Variants in GID4 observed in about 807,000 individuals in gnomAD.
The protein encoded by GID4 is GID complex subunit 4 homolog.
GID4 carries 7 observed loss-of-function variants against 32.4 expected under a neutral mutation model. The observed-to-expected ratio is 0.22, with a 90% confidence interval of 0.12 to 0.41. The LOEUF is 0.41. Ranked by LOEUF, GID4 falls within the 10% of genes least tolerant of loss-of-function variation. The pLI, the probability that GID4 is intolerant of heterozygous loss-of-function variation, is 1.00. For missense variants in GID4, 309 were observed against 400.0 expected (o/e 0.77, Z 1.94); for synonymous variants, 166 against 170.0 (o/e 0.98, Z 0.18).
At chr17:18,053,565 C>T (rs1397215345) in intron 2 of GID4, among the ~76,000 whole-genome samples, 2 of 151,928 alleles carry the variant, frequency 1.3e-5, no homozygotes, top group African/African-American at 2.4e-5. Context: ...TGCAGTGAAC[C>T]GAAATTGTGC....
chr17:18,055,085 G>A (rs1192217831), intron 3 of GID4, among the ~76,000 whole-genome samples: 1 of 151,832 alleles, frequency 6.6e-6, no homozygotes, highest in African/African-American at 2.4e-5. Flanking sequence ...GCAGGAGAAT[G>A]GCGTGAACCC....
chr17:18,039,764 C>G lies in GID4; in HGVS notation c.300C>G (p.Ser100=). ...CGCCGGCCGGTGCCTCCGCTGCCTC[C>G]GCGGCCTCACTCATCCCGCCGCCGC... ...CPPPAGASAA[S]AASLIPPPPI... Residue 100 remains serine (S), a synonymous_variant, in exon 1 of 6, where the codon TCC becomes TCG. Transcript: ENST00000268719. The surrounding 1 kb of genome is among the most constrained non-coding windows in gnomAD (Gnocchi z 5.3). 1.3e-6 allele frequency: 2 copies of G among 1,568,558 alleles called. No individual in the cohort carries two copies. The highest frequency in any genetic ancestry group is 1.7e-6 in the Non-Finnish European group (2 of 1,159,870).
At chr17:18,064,754 T>C (rs571599696) in intron 5 of GID4, among the ~76,000 whole-genome samples, 1 of 152,292 alleles carries the variant, frequency 6.6e-6, no homozygotes, top group Admixed American at 6.5e-5. Context: ...ACGCTCTCTT[T>C]AGATACCATG....
chr17:18,039,972 C>T lies in GID4; in HGVS notation c.438+70C>T. 2.3e-6 allele frequency: 3 copies of T among 1,276,740 alleles called. No homozygotes were observed. Among genetic ancestry groups the T allele is most frequent in the Non-Finnish European group, 2.0e-6 (2 of 1,007,620 alleles). The allele number at this position is 1,276,740 out of a possible 1,614,324, so 79.1% of individuals were successfully genotyped here. A position where few individuals can be genotyped will look rare whatever the true frequency, so the allele number is the denominator to read the frequency against. ...CTCACGGGCCGTGCCCGCTTCGGCTCCTCGACCCCGCAGCCGCGGAACAGG... is the reference window on the plus strand; with the variant it reads ...CTCACGGGCCGTGCCCGCTTCGGCTTCTCGACCCCGCAGCCGCGGAACAGG... On this transcript the variant is annotated intron_variant, in intron 1 of 5. Coordinates refer to ENST00000268719, the MANE Select transcript of GID4 (RefSeq NM_024052.5). This position sits in a 1 kb window ranked among gnomAD's most constrained non-coding sequence, Gnocchi z 5.3.
At position 18,068,374 on chromosome 17, in the gene GID4, T is replaced by TTA. The variant is rs1555531718; in HGVS notation, c.*3131_*3132insTA. On this transcript the variant is annotated 3_prime_UTR_variant, in exon 6 of 6. Coordinates refer to ENST00000268719, the MANE Select transcript of GID4 (RefSeq NM_024052.5). ...CAGAGCTATCAATGTCCAAATAATT[T>TTA]AAAAAAAAAAATAAAGGTATTTAAG... 2.0e-4 allele frequency: 30 copies of TTA among 150,520 alleles called. No individual in the cohort carries two copies. Among genetic ancestry groups the TTA allele is most frequent in the African/African-American group, 3.7e-4 (15 of 40,902 alleles). The allele number at this position is 150,520 out of a possible 1,614,324, so 9.3% of individuals were successfully genotyped here.
chr17:18,043,313 C>T (rs1324174950), intron 1 of GID4, among the ~76,000 whole-genome samples: 5 of 152,212 alleles, frequency 3.3e-5, no homozygotes, highest in Non-Finnish European at 5.9e-5. Flanking sequence ...GATTCTTGAG[C>T]ATGTGATAAT....
intron 1 of GID4, 100 bp downstream of exon 1, chr17:18,040,002 C>T: frequency 8.0e-7 from 1 of 1,251,188 alleles, no homozygotes; most frequent in Non-Finnish European, 1.0e-6. Context: ...AACAGGCCCT[C>T]GCCGCCGGGG....
intron 1 of GID4, among the ~76,000 whole-genome samples, chr17:18,043,379 C>T (rs146311722): frequency 6.6e-6 from 1 of 152,288 alleles, no homozygotes; most frequent in African/African-American, 2.4e-5. Context: ...TAGCAAGTAT[C>T]CTTGCCACCT....
At position 18,057,324 on chromosome 17, in the gene GID4, C is replaced by T. The variant is rs975452640; in HGVS notation, c.607-1544C>T. On this transcript the variant is annotated intron_variant, in intron 3 of 5. Transcript: ENST00000268719. ...GCACACACCTGTAATCCCAGCTATT[C>T]GGGAGGCTGAGGCAGGAGAGTCACT... The T allele has an allele frequency of 2.8e-5, 8 of 285,174 alleles. No homozygotes were observed. The South Asian group carries it at 3.4e-4, about 12-fold the overall frequency. 17.7% of individuals were successfully genotyped at this position (285,174 alleles called of 1,614,324 possible). A position where few individuals can be genotyped will look rare whatever the true frequency, so the allele number is the denominator to read the frequency against.
chr17:18,056,539 T>C (rs991879292), intron 3 of GID4, among the ~76,000 whole-genome samples: 1 of 152,264 alleles, frequency 6.6e-6, no homozygotes, highest in Non-Finnish European at 1.5e-5. Flanking sequence ...TTCTTCCTTG[T>C]AGTAAACCAC....
rs1174071812 is a variant in GID4 at position 18,063,620 on chromosome 17, T to A, written c.840-1560T>A. On this transcript the variant is annotated intron_variant, in intron 5 of 5. Coordinates refer to ENST00000268719, the MANE Select transcript of GID4 (RefSeq NM_024052.5). The stretch of plus-strand genomic sequence containing the variant: ...TTCTGGGTATTTTATATAAATGGAA[T>A]CTACAAAATACGGCCCTTGCTTCTG... 2.6e-5 allele frequency among the ~76,000 whole-genome samples: 4 copies of A among 152,214 alleles called. No individual in the cohort carries two copies. The East Asian group carries it at 7.7e-4, about 29-fold the overall frequency.
At chr17:18,040,037 C>A (rs971999037) in intron 1 of GID4, 135 bp downstream of exon 1, 17 of 1,163,250 alleles carry the variant, frequency 1.5e-5, no homozygotes, top group Non-Finnish European at 1.6e-5. Flanking sequence ...CGCTTCCCAC[C>A]CGGGACCTTC....
intron 1 of GID4, among the ~76,000 whole-genome samples, chr17:18,040,180 C>A (rs553878929): frequency 6.6e-6 from 1 of 152,276 alleles, no homozygotes; most frequent in South Asian, 2.1e-4. Flanking sequence ...GTCTGGGATC[C>A]GGAAGCCCCT....
intron 2 of GID4, among the ~76,000 whole-genome samples, chr17:18,051,156 G>A (rs1285501675): frequency 6.6e-6 from 1 of 151,990 alleles, no homozygotes; most frequent in Non-Finnish European, 1.5e-5. Context: ...ATCATATTAG[G>A]ACCTCCTCCC....
At chr17:18,043,085 G>T (rs1279070424) in intron 1 of GID4, among the ~76,000 whole-genome samples, 1 of 152,148 alleles carries the variant, frequency 6.6e-6, no homozygotes, top group Non-Finnish European at 1.5e-5. Context: ...AGCCCTGGTC[G>T]CTGTGAAAGG....
At chr17:18,047,926 A>T (rs1360170663) in intron 2 of GID4, among the ~76,000 whole-genome samples, 3 of 149,910 alleles carry the variant, frequency 2.0e-5, no homozygotes, top group African/African-American at 7.4e-5. Flanking sequence ...TTTGAGATGG[A>T]GTCTCGCTCA....
At chr17:18,053,222 A>G (rs1324196406) in intron 2 of GID4, among the ~76,000 whole-genome samples, 9 of 149,738 alleles carry the variant, frequency 6.0e-5, no homozygotes, top group Non-Finnish European at 8.9e-5. Context: ...CATGTTGGTC[A>G]GGTTGGTCTT....
intron 2 of GID4, among the ~76,000 whole-genome samples, chr17:18,047,094 T>C (rs970118660): frequency 1.1e-4 from 16 of 152,364 alleles, no homozygotes; most frequent in African/African-American, 3.8e-4. Context: ...TTCTGGCTCC[T>C]GGTTCCTATC....
intron 2 of GID4, among the ~76,000 whole-genome samples, chr17:18,047,409 A>G (rs1166784417): frequency 6.6e-6 from 1 of 152,266 alleles, no homozygotes; most frequent in Non-Finnish European, 1.5e-5. Context: ...AAAACCAGTC[A>G]TTTGGGTGAT....
Sources: allele counts gnomAD v4.1 joint callset (sites outside exome capture counted in the v4.1 genomes callset), GRCh38; gene constraint gnomAD v4.1.1; non-coding constraint Gnocchi (gnomAD v3.1); transcripts MANE v1.5; gene names NCBI Gene and HGNC (gene_info 2026-07-23, HGNC 2026-07-21).